The following KIAA2012 variants were observed in gnomAD, a reference collection of about 807,000 sequenced individuals.
The protein encoded by KIAA2012 is KIAA2012.
Under a neutral mutation model 150.6 loss-of-function variants are expected in KIAA2012, and 125 were observed. The ratio of observed to expected loss-of-function variants is 0.83; its 90% confidence interval spans 0.72 to 0.96. The LOEUF is 0.96. Among genes scored for constraint, KIAA2012 ranks in the 40% least tolerant of loss-of-function variants. The probability of loss-of-function intolerance (pLI) is 0.00; values close to 1 mark genes in which losing one functional copy is unlikely to be tolerated. For synonymous variants in KIAA2012, 462 were observed against 504.7 expected (o/e 0.92, Z 1.13); for missense variants, 1,219 against 1,354.9 (o/e 0.90, Z 1.57).
At chr2:202,090,521 A>G (rs553611905) in intron 2 of KIAA2012, among the ~76,000 whole-genome samples, 2 of 152,324 alleles carry the variant, frequency 1.3e-5, no homozygotes, top group East Asian at 1.9e-4. Context: ...CTAATACTCT[A>G]TCTCAAGATG....
chr2:202,164,705 T>G (rs2105722369), intron 14 of KIAA2012, among the ~76,000 whole-genome samples: 1 of 152,314 alleles, frequency 6.6e-6, no homozygotes, highest in Non-Finnish European at 1.5e-5. Context: ...CGCAGTTCTC[T>G]CAGTCTCTGC....
At chr2:202,090,369 T>G (rs1027853755) in intron 2 of KIAA2012, among the ~76,000 whole-genome samples, 1 of 152,374 alleles carries the variant, frequency 6.6e-6, no homozygotes, top group Admixed American at 6.5e-5. Flanking sequence ...TGTCCCATTA[T>G]TCACATTACA....
At chr2:202,163,638 T>C (rs1251226818) in intron 14 of KIAA2012, among the ~76,000 whole-genome samples, 2 of 152,206 alleles carry the variant, frequency 1.3e-5, no homozygotes, top group African/African-American at 4.8e-5. Flanking sequence ...TGAAGTTTGA[T>C]CCTTCTTGGC....
At chr2:202,073,846 T>G in intron 1 of KIAA2012, 135 bp downstream of exon 1, 2 of 675,740 alleles carry the variant, frequency 3.0e-6, no homozygotes, top group Non-Finnish European at 2.5e-6. Context: ...AAGATCTTCC[T>G]TCCTCCTTCA....
At chr2:202,139,235 A>C (rs1371012551) in intron 13 of KIAA2012, among the ~76,000 whole-genome samples, 7 of 59,474 alleles carry the variant, frequency 1.2e-4, no homozygotes, top group Non-Finnish European at 3.4e-5. Context: ...CTGTCTCAGG[A>C]AAAAAAAAAA....
chr2:202,140,432 C>T (rs745757491), intron 13 of KIAA2012, among the ~76,000 whole-genome samples: 1 of 152,124 alleles, frequency 6.6e-6, no homozygotes, highest in Admixed American at 6.5e-5. Flanking sequence ...CACCAGAACC[C>T]ATTGGTTTGT....
At chr2:202,107,554 G>A (rs1690230103) in intron 9 of KIAA2012, among the ~76,000 whole-genome samples, 1 of 152,114 alleles carries the variant, frequency 6.6e-6, no homozygotes, top group Non-Finnish European at 1.5e-5. Context: ...ATTTTGCACT[G>A]CCCTACATTT....
intron 21 of KIAA2012, among the ~76,000 whole-genome samples, chr2:202,195,689 CT>C (rs370318458): frequency 2.0e-5 from 3 of 152,278 alleles, no homozygotes; most frequent in South Asian, 2.1e-4. Flanking sequence ...CACCAACCCC[CT>C]ACCCTTCCCT....
chr2:202,177,623 A>G (rs1281215546), intron 15 of KIAA2012, among the ~76,000 whole-genome samples: 1 of 152,114 alleles, frequency 6.6e-6, no homozygotes, highest in Non-Finnish European at 1.5e-5. Flanking sequence ...CTGGACTCAC[A>G]CTATCCACAG....
intron 22 of KIAA2012, 65 bp from the exon 23 acceptor site, chr2:202,202,364 C>T (rs958670284): frequency 3.5e-5 from 14 of 401,004 alleles, no homozygotes; most frequent in Non-Finnish European, 6.1e-5. Context: ...ATCTTGCTGG[C>T]TTATAAGGAC....
chr2:202,156,267 T>C (rs1461259767), intron 14 of KIAA2012, among the ~76,000 whole-genome samples: 1 of 152,148 alleles, frequency 6.6e-6, no homozygotes, highest in Non-Finnish European at 1.5e-5. Context: ...AAGATATTTG[T>C]TACGAGTATT....
At chr2:202,099,944 G>A in intron 6 of KIAA2012, 148 bp downstream of exon 6, 3 of 758,694 alleles carry the variant, frequency 4.0e-6, no homozygotes, top group Non-Finnish European at 6.2e-6. Context: ...GTGGGAATGA[G>A]ACTCTGGCAG....
At position 202,184,789 on chromosome 2, in the gene KIAA2012, G is replaced by A. The variant is rs933676608; in HGVS notation, c.2156G>A (p.Arg719Lys). 2 of 1,548,848 alleles carry A rather than the reference G, an allele frequency of 1.3e-6. No individual in the cohort carries two copies. Among genetic ancestry groups the A allele is most frequent in the Non-Finnish European group, 1.7e-6 (2 of 1,146,380 alleles). The change falls in exon 16 of 24, where the codon AGG becomes AAG. Residue 719 changes from arginine (R) to lysine (K), a missense_variant. Transcript: ENST00000498697. Reference protein sequence around the residue: ...EPRSMTLDSPRASRTEHIQTP... With the variant: ...EPRSMTLDSPKASRTEHIQTP... The stretch of plus-strand genomic sequence containing the variant: ...AGGAGTATGACCCTTGACTCTCCCA[G>A]GGCTTCCCGGACTGAGCACATCCAG...
At chr2:202,132,755 T>TGTATATATATAGTATATATGTATATATA (rs1690975580) in intron 12 of KIAA2012, among the ~76,000 whole-genome samples, 1 of 100,146 alleles carries the variant, frequency 1.0e-5, no homozygotes, top group African/African-American at 3.9e-5. Context: ...ATAGTATATA[T>TGTATATATATAGTATATATGTATATATA]GTATATATAT....
rs1217191645 is a variant in KIAA2012, at chr2:202,187,105, G to A, written c.2376+7G>A. On this transcript the variant is annotated splice_region_variant and intron_variant, in intron 17 of 23. Coordinates refer to ENST00000498697, the MANE Select transcript of KIAA2012 (RefSeq NM_001277372.4). The stretch of plus-strand genomic sequence containing the variant: ...ATCAGCCAACATCAGTCATGTGAGT[G>A]TAAACCCCTAAAAGCTTGGTCCAAA... 9 of 1,550,062 alleles carry A rather than the reference G, an allele frequency of 5.8e-6. No individual in the cohort carries two copies. The highest frequency in any genetic ancestry group is 7.8e-6 in the Non-Finnish European group (9 of 1,146,728).
intron 17 of KIAA2012, 114 bp from the exon 18 acceptor site, chr2:202,188,038 C>T: frequency 1.2e-6 from 1 of 810,710 alleles, no homozygotes; most frequent in Non-Finnish European, 1.9e-6. Flanking sequence ...ACCTGGAACC[C>T]ACACAAATTC....
At chr2:202,163,030 G>A (rs1691689952) in intron 14 of KIAA2012, among the ~76,000 whole-genome samples, 1 of 151,616 alleles carries the variant, frequency 6.6e-6, no homozygotes, top group Non-Finnish European at 1.5e-5. Flanking sequence ...CTCAATTGAT[G>A]GGACATTTAG....
intron 13 of KIAA2012, among the ~76,000 whole-genome samples, chr2:202,141,141 C>A (rs549317522): frequency 6.6e-6 from 1 of 152,258 alleles, no homozygotes; most frequent in African/African-American, 2.4e-5. Flanking sequence ...GAGGCCCTAC[C>A]GCTGTGATGG....
chr2:202,078,798 G>A (rs965131918), intron 2 of KIAA2012, among the ~76,000 whole-genome samples: 1 of 152,110 alleles, frequency 6.6e-6, no homozygotes, highest in Non-Finnish European at 1.5e-5. Context: ...CAGAGAACTC[G>A]AGTGACTCAC....
Sources: gnomAD v4.1 joint callset for allele counts (sites outside exome capture counted in the v4.1 genomes callset) on GRCh38, gnomAD v4.1.1 for gene constraint, MANE v1.5 for transcripts, NCBI Gene and HGNC (gene_info 2026-07-23, HGNC 2026-07-21) for gene names.